ZNF678: variants seen among roughly 807,000 people sequenced by gnomAD.
ZNF678 encodes hypothetical protein MGC42493.
ZNF678 carries 5 observed loss-of-function variants against 3.0 expected under a neutral mutation model. The ratio of observed to expected loss-of-function variants is 1.69; its 90% CI spans 0.88 to 3.56. The LOEUF is 3.56. ZNF678 is among the 30% of genes most tolerant of loss of function. ZNF678 has a pLI of 0.00. For synonymous variants in ZNF678, 218 were observed against 199.6 expected (o/e 1.09, Z -0.78); for missense variants, 593 against 605.0 (o/e 0.98, Z 0.21).
At chr1:227,605,882 G>T (rs976809392) in intron 1 of ZNF678, among the ~76,000 whole-genome samples, 1 of 152,206 alleles carries the variant, frequency 6.6e-6, no homozygotes, top group South Asian at 2.1e-4. Context: ...GGGGAAACTT[G>T]TGGAAGTATA....
At chr1:227,621,244 T>G (rs1213358829) in intron 1 of ZNF678, among the ~76,000 whole-genome samples, 1 of 152,202 alleles carries the variant, frequency 6.6e-6, no homozygotes, top group Non-Finnish European at 1.5e-5. Context: ...AGATTCTGCC[T>G]TAAAAAAAAG....
At chr1:227,564,638 C>T (rs1207225798) in intron 1 of ZNF678, among the ~76,000 whole-genome samples, 2 of 152,206 alleles carry the variant, frequency 1.3e-5, no homozygotes, top group African/African-American at 4.8e-5. Context: ...AGCTATTTGT[C>T]TTTTATTGCG....
intron 1 of ZNF678, among the ~76,000 whole-genome samples, chr1:227,578,446 T>C (rs1657041801): frequency 6.6e-6 from 1 of 152,190 alleles, no homozygotes. Flanking sequence ...TTTTAACTCT[T>C]TTTTTTACAC....
intron 1 of ZNF678, among the ~76,000 whole-genome samples, chr1:227,587,816 CTTTTTTT>C (rs199804279): frequency 6.3e-5 from 8 of 127,686 alleles, no homozygotes; most frequent in East Asian, 2.2e-4. Context: ...TCACCCTTTC[CTTTTTTT>C]TTTTTTTTTT....
chr1:227,571,865 A>G (rs1023000468), intron 1 of ZNF678, among the ~76,000 whole-genome samples: 1 of 152,096 alleles, frequency 6.6e-6, no homozygotes, highest in Admixed American at 6.5e-5. Flanking sequence ...ACATGGTGAA[A>G]CCCCGTCTCT....
chr1:227,579,933 C>T (rs182887411), intron 1 of ZNF678, among the ~76,000 whole-genome samples: 17 of 152,262 alleles, frequency 1.1e-4, no homozygotes, highest in African/African-American at 3.9e-4. Flanking sequence ...TTATCAAACC[C>T]TTTGGGCTCT....
At chr1:227,628,625 G>T (rs1658475192) in intron 1 of ZNF678, among the ~76,000 whole-genome samples, 1 of 152,242 alleles carries the variant, frequency 6.6e-6, no homozygotes, top group African/African-American at 2.4e-5. Flanking sequence ...TTAGCCCTAA[G>T]TATTTAACCT....
At chr1:227,597,675 C>T (rs1305211198) in intron 1 of ZNF678, among the ~76,000 whole-genome samples, 1 of 152,122 alleles carries the variant, frequency 6.6e-6, no homozygotes, top group Non-Finnish European at 1.5e-5. Flanking sequence ...TTCTCTGGTT[C>T]ACTCAAAGCA....
At chr1:227,594,387 T>C (rs1339107910) in intron 1 of ZNF678, among the ~76,000 whole-genome samples, 1 of 152,204 alleles carries the variant, frequency 6.6e-6, no homozygotes, top group Non-Finnish European at 1.5e-5. Context: ...TGGACTCTTT[T>C]TAACCTTTCA....
chr1:227,607,797 ATAT>A (rs1366283974), intron 1 of ZNF678, among the ~76,000 whole-genome samples: 3 of 145,986 alleles, frequency 2.1e-5, no homozygotes, highest in Non-Finnish European at 3.0e-5. Flanking sequence ...AATATATGCT[ATAT>A]TATTTAGTTA....
At chr1:227,591,618 G>C (rs977805696) in intron 1 of ZNF678, among the ~76,000 whole-genome samples, 8 of 152,038 alleles carry the variant, frequency 5.3e-5, no homozygotes. Flanking sequence ...GCCCCCACCA[G>C]TCTTCAGTTC....
Position 227,656,081 on chromosome 1 carries a change from C to CA in ZNF678, c.*259dup, listed in dbSNP as rs1464745803. 1 of 288,974 alleles carries CA rather than the reference C, an allele frequency of 3.5e-6. No homozygotes were observed. The highest frequency in any genetic ancestry group is 6.3e-6 in the Non-Finnish European group (1 of 158,672). The allele number at this position is 288,974 out of a possible 1,614,324, so 17.9% of individuals were successfully genotyped here. On this transcript the variant is annotated 3_prime_UTR_variant, in exon 4 of 4. Transcript: ENST00000343776. The stretch of plus-strand genomic sequence containing the variant: ...TCAACTTTAGAGGATTTTACGGGGG[C>CA]AAAAAACCTCCTACAAATGTGGAAA...
chr1:227,621,237 T>C (rs1658273399), intron 1 of ZNF678, among the ~76,000 whole-genome samples: 1 of 152,204 alleles, frequency 6.6e-6, no homozygotes, highest in African/African-American at 2.4e-5. Context: ...CAGAGCAAGA[T>C]TCTGCCTTAA....
chr1:227,593,044 G>A (rs910650914), intron 1 of ZNF678, among the ~76,000 whole-genome samples: 3 of 152,236 alleles, frequency 2.0e-5, no homozygotes, highest in Admixed American at 6.5e-5. Flanking sequence ...GTTGGGAGAC[G>A]GAAGCTGGAT....
intron 1 of ZNF678, among the ~76,000 whole-genome samples, chr1:227,583,644 A>G (rs1657189595): frequency 6.6e-6 from 1 of 151,214 alleles, no homozygotes; most frequent in African/African-American, 2.4e-5. Flanking sequence ...ATATTTAGGG[A>G]AAAAAAAATA....
chr1:227,679,539 A>AC (rs1185176100), downstream of ZNF678, among the ~76,000 whole-genome samples: 1 of 142,916 alleles, frequency 7.0e-6, no homozygotes, highest in Non-Finnish European at 1.5e-5. Flanking sequence ...ATTGATCATG[A>AC]CCCCCTCATG....
chr1:227,565,380 A>C (rs929358628), intron 1 of ZNF678, among the ~76,000 whole-genome samples: 1 of 151,966 alleles, frequency 6.6e-6, no homozygotes, highest in Non-Finnish European at 1.5e-5. Context: ...TTTTAAGAGG[A>C]TCTTGCTCTG....
chr1:227,668,286 A>G (rs1227573394), intron 5 of ZNF678, among the ~76,000 whole-genome samples: 2 of 152,258 alleles, frequency 1.3e-5, no homozygotes, highest in African/African-American at 4.8e-5. Context: ...TTCTATAATT[A>G]AACATAATTC....
At position 227,637,409 on chromosome 1, in the gene ZNF678, A is replaced by AGCC. The variant is rs1253632879; in HGVS notation, c.-163-9135_-163-9134insGCC. Among the ~76,000 whole-genome samples, 696 of 152,208 alleles carry AGCC rather than the reference A, an allele frequency of 4.6e-3. 6 individuals are homozygous for AGCC. The highest frequency in any genetic ancestry group is 6.5e-3 in the Non-Finnish European group (443 of 68,002). On this transcript the variant is annotated intron_variant, in intron 1 of 3. Coordinates refer to ENST00000343776, the MANE Select transcript of ZNF678 (RefSeq NM_001367909.1). ...TAAACTGTTAGGTTGGCATGGAGAG[A>AGCC]TAGTTTTAGGCTTTCAAGGGTGAGG...
Sources: gnomAD v4.1 joint callset for allele counts (sites outside exome capture counted in the v4.1 genomes callset) on GRCh38, gnomAD v4.1.1 for gene constraint, MANE v1.5 for transcripts, NCBI Gene and HGNC (gene_info 2026-07-23, HGNC 2026-07-21) for gene names.